ADNP2: variants seen among roughly 807,000 people sequenced by gnomAD.
The protein encoded by ADNP2 is activity-dependent neuroprotector homeobox protein 2.
A neutral mutation model predicts 16.4 loss-of-function variants in ADNP2; 8 were observed. That is an observed-to-expected ratio of 0.49 (90% CI 0.29 to 0.88). ADNP2 has a LOEUF of 0.88. Among genes scored for constraint, ADNP2 ranks in the 40% least tolerant of loss-of-function variants. The pLI is 0.09. For missense variants in ADNP2, 1,397 were observed against 1,395.1 expected (o/e 1.00, Z -0.02); for synonymous variants, 637 against 545.8 (o/e 1.17, Z -2.33).
intron 2 of ADNP2, among the ~76,000 whole-genome samples, chr18:80,117,891 G>A (rs764705767): frequency 5.3e-5 from 8 of 152,158 alleles, no homozygotes; most frequent in Non-Finnish European, 1.2e-4. Context: ...AATTGTTTTT[G>A]ATGTTTGAGG....
Position 80,140,066 on chromosome 18 carries a change from G to C in ADNP2, c.*1257G>C, listed in dbSNP as rs1465878748. 6.6e-6 allele frequency: 1 copy of C among 152,166 alleles called. No individual in the cohort carries two copies. The highest frequency in any genetic ancestry group is 1.5e-5 in the Non-Finnish European group (1 of 68,038). The allele number at this position is 152,166 out of a possible 1,614,324, so 9.4% of individuals were successfully genotyped here. On this transcript the variant is annotated 3_prime_UTR_variant, in exon 4 of 4. Transcript: ENST00000262198. Reference sequence around the variant, plus strand: ...GTTTAGATGGTAAGTCATATTTCTGGTGGTACACAGCAGAGGAACCCCTTC... The same window carrying C: ...GTTTAGATGGTAAGTCATATTTCTGCTGGTACACAGCAGAGGAACCCCTTC...
In ADNP2 at chr18:80,135,799, C is replaced by T. The variant is rs749501244; in HGVS notation, c.386C>T (p.Ala129Val). ...VVGRHFRMFH[A>V]PVRKVQNYTV... ...GGAAGGCACTTCAGAATGTTCCATG[C>T]ACCTGTCCGGAAAGTCCAGAACTAC... Residue 129 changes from alanine (A) to valine (V), a missense_variant, in exon 4 of 4, where the codon GCA (alanine) becomes GTA (valine). Physicochemically the swap from Ala to Val is moderately conservative, Grantham distance 64. This residue lies in a region of ADNP2 where 777 missense variants were observed against 719.4 expected (regional missense o/e 1.08). Transcript: ENST00000262198. 20 of 1,614,040 alleles carry T rather than the reference C, an allele frequency of 1.2e-5. No individual in the cohort carries two copies. The highest frequency in any genetic ancestry group is 1.5e-5 in the Non-Finnish European group (18 of 1,180,038).
At chr18:80,132,603 CTTTCTCTTTCTCTTTCTTT>C (rs1359661718) in intron 2 of ADNP2, among the ~76,000 whole-genome samples, 3 of 151,548 alleles carry the variant, frequency 2.0e-5, no homozygotes, top group Admixed American at 6.6e-5. Flanking sequence ...TCTCTTTTCT[CTTTCTCTTTCTCTTTCTTT>C]TTTCTCTTTC....
chr18:80,112,945 CA>C (rs1402561885), intron 1 of ADNP2, among the ~76,000 whole-genome samples: 1 of 152,156 alleles, frequency 6.6e-6, no homozygotes, highest in Non-Finnish European at 1.5e-5. Context: ...AGAAGAACCC[CA>C]GAGGATAGAG....
Position 80,136,522 on chromosome 18 carries a change from C to T in ADNP2, c.1109C>T (p.Pro370Leu), listed in dbSNP as rs2052536408. 1 of 1,614,226 alleles carries T rather than the reference C, an allele frequency of 6.2e-7. No individual in the cohort carries two copies. The highest frequency in any genetic ancestry group is 1.7e-5 in the Admixed American group (1 of 60,030). ...GVPLHQSVNP[P>L]VLPLSQPVGP... is the part of the protein sequence containing the mutation. ...CCACTTCATCAGTCTGTGAATCCTCCTGTGTTGCCCTTGAGTCAGCCAGTC... is the reference window on the plus strand; with the variant it reads ...CCACTTCATCAGTCTGTGAATCCTCTTGTGTTGCCCTTGAGTCAGCCAGTC... Residue 370 changes from proline to leucine, a missense_variant, in exon 4 of 4, where the codon CCT (proline) becomes CTT (leucine). This residue lies in a region of ADNP2 where 777 missense variants were observed against 719.4 expected (regional missense o/e 1.08). Transcript: ENST00000262198.
chr18:80,120,613 A>G (rs1023472914), intron 2 of ADNP2, among the ~76,000 whole-genome samples: 8 of 151,582 alleles, frequency 5.3e-5, no homozygotes, highest in African/African-American at 1.9e-4. Flanking sequence ...GTGGGATTAT[A>G]TGTGTCAGCC....
Position 80,137,308 on chromosome 18 carries a change from C to A in ADNP2, c.1895C>A (p.Ala632Glu), listed in dbSNP as rs765094493. 2 of 1,613,836 alleles carry A rather than the reference C, an allele frequency of 1.2e-6. No homozygotes were observed. Among genetic ancestry groups the A allele is most frequent in the East Asian group, 2.2e-5 (1 of 44,894 alleles). Residue 632 changes from alanine (A) to glutamate (E), a missense_variant, in exon 4 of 4, where the codon GCG (alanine) becomes GAG (glutamate). Ala to Glu is a moderately radical substitution (Grantham distance 107). This residue lies in a region of ADNP2 where 611 missense variants were observed against 648.7 expected (regional missense o/e 0.94). Coordinates refer to ENST00000262198, the MANE Select transcript of ADNP2 (RefSeq NM_014913.4). The surrounding 1 kb of genome is among the most constrained non-coding windows in gnomAD (Gnocchi z 4.2). ...VTLPVPPGGL[A>E]TVAPPQMPIQ... ...CTGCCGGTTCCCCCTGGAGGCCTTG[C>A]GACTGTCGCTCCGCCCCAGATGCCC...
In ADNP2 at chr18:80,138,169, G is replaced by C. The variant is rs752269142; in HGVS notation, c.2756G>C (p.Cys919Ser). 6.2e-7 allele frequency: 1 copy of C among 1,614,182 alleles called. No homozygotes were observed. Among genetic ancestry groups the C allele is most frequent in the Admixed American group, 1.7e-5 (1 of 60,028 alleles). ...CCCGCCTTCAAGTGCATCCACTGCT[G>C]TGGGGTCTACACGGGAAATATGACC... The part of the protein sequence containing the change: ...KSPAFKCIHC[C>S]GVYTGNMTLA... Residue 919 changes from cysteine to serine, a missense_variant, in exon 4 of 4, where the codon TGT becomes TCT. Coordinates refer to ENST00000262198, the MANE Select transcript of ADNP2 (RefSeq NM_014913.4).
intron 2 of ADNP2, among the ~76,000 whole-genome samples, chr18:80,125,525 C>G (rs2052452411): frequency 6.6e-6 from 1 of 152,060 alleles, no homozygotes; most frequent in Non-Finnish European, 1.5e-5. Flanking sequence ...TGCCTGTAGT[C>G]CCAGCTACTC....
intron 3 of ADNP2, 62 bp from the exon 4 acceptor site, chr18:80,135,550 G>A (rs1253766085): frequency 7.0e-7 from 1 of 1,437,216 alleles, no homozygotes; most frequent in Admixed American, 2.1e-5. Context: ...CTCAGGGACT[G>A]TGGAAGGTTA....
chr18:80,134,285 G>T (rs148573238), intron 3 of ADNP2, among the ~76,000 whole-genome samples: 3 of 152,202 alleles, frequency 2.0e-5, no homozygotes, highest in African/African-American at 4.8e-5. Flanking sequence ...CTTGAACCGG[G>T]ATGGCGTAGG....
At chr18:80,110,451 G>A (rs1011429936) in intron 1 of ADNP2, among the ~76,000 whole-genome samples, 1 of 152,144 alleles carries the variant, frequency 6.6e-6, no homozygotes, top group African/African-American at 2.4e-5. Flanking sequence ...TGGTAAGCAG[G>A]TAACTGACAA....
chr18:80,130,146 C>T (rs2052486823), intron 2 of ADNP2, among the ~76,000 whole-genome samples: 1 of 152,172 alleles, frequency 6.6e-6, no homozygotes, highest in Non-Finnish European at 1.5e-5. Context: ...CTTTCTGATG[C>T]TCAAATGTTA....
At chr18:80,119,742 T>G (rs1015779319) in intron 2 of ADNP2, among the ~76,000 whole-genome samples, 1 of 152,212 alleles carries the variant, frequency 6.6e-6, no homozygotes, top group African/African-American at 2.4e-5. Flanking sequence ...TTAGGAGTTG[T>G]TTTTTATAAA....
chr18:80,125,025 A>G lies in ADNP2; in HGVS notation c.108+7375A>G, dbSNP rs565952222. The stretch of plus-strand genomic sequence containing the variant: ...AAATAGGGATGAAGACCAAATGTAT[A>G]TTTCAGAGTATCATACATGGCATGT... On this transcript the variant is annotated intron_variant, in intron 2 of 3. Transcript: ENST00000262198. Among the ~76,000 whole-genome samples the G allele has an allele frequency of 3.3e-5, 5 of 152,312 alleles. No homozygotes were observed. The South Asian group carries it at 1.0e-3, about 32-fold the overall frequency.
rs1240178187 is a variant in ADNP2 at position 80,127,308 on chromosome 18, G to A, written c.109-5795G>A. Among the ~76,000 whole-genome samples, 5 of 147,634 alleles carry A rather than the reference G, an allele frequency of 3.4e-5. No individual in the cohort carries two copies. The South Asian group carries it at 1.1e-3, about 32-fold the overall frequency. On this transcript the variant is annotated intron_variant, in intron 2 of 3. Transcript: ENST00000262198. The stretch of plus-strand genomic sequence containing the variant: ...TTAGGCTCCTTGATACTGTCCCATA[G>A]CTCATTGATGCCGTTGTTGGGGTTT...
At chr18:80,115,962 A>G (rs1472398949) in intron 1 of ADNP2, among the ~76,000 whole-genome samples, 1 of 152,082 alleles carries the variant, frequency 6.6e-6, no homozygotes, top group Non-Finnish European at 1.5e-5. Flanking sequence ...ATGGGGCTTC[A>G]CCATATTGGC....
At chr18:80,118,772 A>G (rs1235656402) in intron 2 of ADNP2, among the ~76,000 whole-genome samples, 3 of 152,188 alleles carry the variant, frequency 2.0e-5, no homozygotes, top group African/African-American at 7.2e-5. Context: ...GAAGTTCTTC[A>G]CGGCTGTTTA....
At chr18:80,117,475 T>G (rs1449301107) in intron 1 of ADNP2, 55 bp from the exon 2 acceptor site, 17 of 1,092,216 alleles carry the variant, frequency 1.6e-5, no homozygotes, top group Non-Finnish European at 2.0e-5. Context: ...AAAAAATGTA[T>G]TTTTGTGTAT....
Sources: allele counts gnomAD v4.1 joint callset (sites outside exome capture counted in the v4.1 genomes callset), GRCh38; gene constraint gnomAD v4.1.1; regional missense constraint gnomAD v4.1.1; non-coding constraint Gnocchi (gnomAD v3.1); transcripts MANE v1.5; gene names NCBI Gene and HGNC (gene_info 2026-07-23, HGNC 2026-07-21).